The following MREG variants were observed in gnomAD, a reference collection of about 807,000 sequenced individuals.
MREG encodes dilute suppressor protein homolog.
Under a neutral mutation model 28.5 loss-of-function variants are expected in MREG, and 31 were observed. The observed-to-expected ratio is 1.09, with a 90% CI of 0.82 to 1.47. The LOEUF is 1.47. Among genes scored for constraint, MREG ranks in the 40% most tolerant of loss-of-function variants. The pLI is 0.00. For synonymous variants in MREG, 106 were observed against 95.2 expected, an observed-to-expected ratio of 1.11 and a Z score of -0.66; for missense variants, 256 against 257.4, an observed-to-expected ratio of 0.99 and a Z score of 0.04.
At chr2:215,961,831 G>A (rs1182309044) in intron 2 of MREG, among the ~76,000 whole-genome samples, 1 of 152,130 alleles carries the variant, frequency 6.6e-6, no homozygotes, top group Non-Finnish European at 1.5e-5. Context: ...AGGACCACCT[G>A]CTGCTCCCAT....
intron 2 of MREG, among the ~76,000 whole-genome samples, chr2:215,984,784 G>A (rs1400478929): frequency 6.6e-6 from 1 of 152,134 alleles, no homozygotes; most frequent in Non-Finnish European, 1.5e-5. Context: ...TGTTGTGCCT[G>A]GAAACACTTT....
intron 2 of MREG, among the ~76,000 whole-genome samples, chr2:215,993,810 A>G (rs1486550010): frequency 6.6e-6 from 1 of 152,252 alleles, no homozygotes; most frequent in African/African-American, 2.4e-5. Context: ...AACATATGAA[A>G]AAAGCTCATC....
chr2:216,015,128 T>TGC (rs199579453), upstream of MREG, among the ~76,000 whole-genome samples: 55 of 151,918 alleles, frequency 3.6e-4, no homozygotes, highest in African/African-American at 1.3e-3. Context: ...CGCGTGTGTG[T>TGC]GCGCGCGTGC....
intron 2 of MREG, among the ~76,000 whole-genome samples, chr2:215,993,524 G>A (rs1372352355): frequency 6.6e-6 from 1 of 152,130 alleles, no homozygotes; most frequent in African/African-American, 2.4e-5. Flanking sequence ...AAGACTTCAT[G>A]AATAAAACAC....
intron 2 of MREG, among the ~76,000 whole-genome samples, chr2:215,952,031 C>T (rs988810614): frequency 1.8e-4 from 27 of 152,182 alleles, no homozygotes; most frequent in African/African-American, 4.1e-4. Flanking sequence ...TGTCTCTCTG[C>T]GCTTGGCTTA....
At chr2:215,975,653 A>G (rs1380596232) in intron 2 of MREG, among the ~76,000 whole-genome samples, 1 of 152,162 alleles carries the variant, frequency 6.6e-6, no homozygotes, top group Non-Finnish European at 1.5e-5. Context: ...AAGCTTAATA[A>G]CCTCATAGGT....
chr2:216,010,045 C>A (rs1694256883), intron 1 of MREG, among the ~76,000 whole-genome samples: 1 of 152,122 alleles, frequency 6.6e-6, no homozygotes, highest in Admixed American at 6.5e-5. Context: ...AAGGTCTTTG[C>A]AGATGTAATT....
downstream of MREG, among the ~76,000 whole-genome samples, chr2:215,939,912 G>GT (rs1175563311): frequency 2.0e-5 from 3 of 151,966 alleles, no homozygotes; most frequent in African/African-American, 7.2e-5. Context: ...AACTACAGAT[G>GT]TTTTTTTAAA....
intron 1 of MREG, among the ~76,000 whole-genome samples, chr2:216,030,948 T>TCACA (rs1416270025): frequency 2.1e-5 from 2 of 97,334 alleles, no homozygotes; most frequent in East Asian, 2.5e-4. Context: ...TCTCTCTCTC[T>TCACA]CTCTCTCTCA....
In MREG at chr2:215,996,304, A is replaced by C. The variant is rs757758960; in HGVS notation, c.255+2T>G. 6 of 1,612,080 alleles carry C rather than the reference A, an allele frequency of 3.7e-6. No homozygotes were observed. Among genetic ancestry groups the C allele is most frequent in the Non-Finnish European group, 5.1e-6 (6 of 1,179,408 alleles). On this transcript the variant is annotated splice_donor_variant, in intron 2 of 4. Transcript: ENST00000263268. LOFTEE classifies it high-confidence loss of function. ...CACAGCAAGACATCAAAAGGTGCTC[A>C]CCTCTGAGTCTTTGGCCTGCTGATT...
chr2:216,015,338 T>C (rs1480809272), upstream of MREG, among the ~76,000 whole-genome samples: 1 of 151,898 alleles, frequency 6.6e-6, no homozygotes, highest in African/African-American at 2.4e-5. Flanking sequence ...AGGAAGAGTA[T>C]TTCAGGCGGA....
At chr2:216,015,874 G>A (rs1694441907), upstream of MREG, among the ~76,000 whole-genome samples, 1 of 152,240 alleles carries the variant, frequency 6.6e-6, no homozygotes, top group Non-Finnish European at 1.5e-5. Flanking sequence ...GGCTGAGATA[G>A]AGGAGTGTGG....
chr2:216,008,928 G>C (rs955717843), intron 1 of MREG, among the ~76,000 whole-genome samples: 12 of 152,212 alleles, frequency 7.9e-5, no homozygotes, highest in African/African-American at 2.9e-4. Flanking sequence ...GCCCCAAGCG[G>C]CGTGACTCAA....
chr2:215,945,546 C>G lies in MREG; in HGVS notation c.510+25G>C, dbSNP rs765087884. On this transcript the variant is annotated intron_variant, in intron 4 of 4. Transcript: ENST00000263268. ...CCAAGCAATTAAAGCAAAATTAGGG[C>G]AAATGAAAAAAAGCATCCACTTACC... 7 of 1,599,184 alleles carry G rather than the reference C, an allele frequency of 4.4e-6. No individual in the cohort carries two copies. The Admixed American group carries it at 5.3e-5, about 12-fold the overall frequency.
intron 2 of MREG, among the ~76,000 whole-genome samples, chr2:215,949,626 C>A (rs1692434847): frequency 6.6e-6 from 1 of 150,978 alleles, no homozygotes; most frequent in Non-Finnish European, 1.5e-5. Context: ...GGCCATGATA[C>A]ATTACATTAT....
chr2:216,030,756 T>C (rs1405143372), intron 1 of MREG, among the ~76,000 whole-genome samples: 1 of 149,722 alleles, frequency 6.7e-6, no homozygotes, highest in Admixed American at 6.7e-5. Flanking sequence ...AGAGAGAAGG[T>C]TTCACCATGT....
chr2:215,947,835 A>C (rs1458590155), intron 2 of MREG, among the ~76,000 whole-genome samples: 3 of 152,224 alleles, frequency 2.0e-5, no homozygotes, highest in Admixed American at 1.3e-4. Context: ...TATCAGTCCT[A>C]TGTAAAGGAG....
intron 2 of MREG, among the ~76,000 whole-genome samples, chr2:215,976,197 T>C (rs1693254216): frequency 6.6e-6 from 1 of 152,188 alleles, no homozygotes; most frequent in South Asian, 2.1e-4. Context: ...TCTGCGTGTT[T>C]CACTCGGACT....
chr2:215,978,923 A>G (rs186126030), intron 2 of MREG, among the ~76,000 whole-genome samples: 98 of 152,346 alleles, frequency 6.4e-4, no homozygotes, highest in Non-Finnish European at 9.0e-4. Flanking sequence ...CCACAGCTTA[A>G]TTACTAATCA....
Sources: allele counts gnomAD v4.1 joint callset (sites outside exome capture counted in the v4.1 genomes callset), GRCh38; gene constraint gnomAD v4.1.1; transcripts MANE v1.5; gene names NCBI Gene and HGNC (gene_info 2026-07-23, HGNC 2026-07-21).